The following GALNT14 variants were observed in gnomAD, a reference collection of about 807,000 sequenced individuals.
The protein encoded by GALNT14 is UDP-GalNAc:polypeptide N-acetylgalactosaminyltransferase 14.
A neutral mutation model predicts 77.5 loss-of-function variants in GALNT14; 60 were observed. That is an observed-to-expected ratio of 0.77 (90% CI 0.63 to 0.96). The LOEUF (loss-of-function observed/expected upper bound fraction) is 0.96, where lower values mean the gene tolerates loss of function less well. Among genes scored for constraint, GALNT14 ranks in the 40% least tolerant of loss-of-function variants. The pLI is 0.00. For synonymous variants in GALNT14, 280 were observed against 281.7 expected, an observed-to-expected ratio of 0.99 and a Z score of 0.06; for missense variants, 710 against 731.0, an observed-to-expected ratio of 0.97 and a Z score of 0.33.
rs1666599769 is a variant in GALNT14, at chr2:30,944,942, C to T, written c.743G>A (p.Gly248Glu). The T allele has an allele frequency of 1.2e-6, 2 of 1,605,508 alleles. No homozygotes were observed. Among genetic ancestry groups the T allele is most frequent in the African/African-American group, 2.7e-5 (2 of 74,646 alleles). Residue 248 changes from glycine (G) to glutamate (E), a missense_variant and splice_region_variant, in exon 8 of 15, where the codon GGG becomes GAG. Coordinates refer to ENST00000349752, the MANE Select transcript of GALNT14 (RefSeq NM_024572.4). The part of the protein sequence containing the change: ...YIESASELRG[G>E]FDWSLHFQWE... ...CTGGAAGTGGAGGCTCCAGTCAAACCCTACAACACAGCACCAACCCACCTG... is the reference window on the plus strand; with the variant it reads ...CTGGAAGTGGAGGCTCCAGTCAAACTCTACAACACAGCACCAACCCACCTG...
intron 1 of GALNT14, among the ~76,000 whole-genome samples, chr2:31,092,122 A>G (rs1349464629): frequency 6.6e-6 from 1 of 152,104 alleles, no homozygotes; most frequent in Non-Finnish European, 1.5e-5. Context: ...TTGGCCATAG[A>G]CTGAAGCTTG....
chr2:30,981,190 C>T (rs1390439887), intron 2 of GALNT14, among the ~76,000 whole-genome samples: 1 of 152,244 alleles, frequency 6.6e-6, no homozygotes, highest in Non-Finnish European at 1.5e-5. Flanking sequence ...CTATTTCTTC[C>T]TGGCAGTAGA....
At position 31,034,558 on chromosome 2, in the gene GALNT14, GT is replaced by G. The variant is rs146528824; in HGVS notation, c.130-41552del. Among the ~76,000 whole-genome samples the G allele has an allele frequency of 1.2e-3, 175 of 149,996 alleles. 3 individuals carry two copies. The highest frequency in any genetic ancestry group is 4.1e-3 in the African/African-American group (166 of 40,934). ...CTTTTGATCTTTTTCTAGTTGTTTT[GT>G]TTTTTTTTGATTATCTGTTTGATTT... On this transcript the variant is annotated intron_variant, in intron 1 of 14. Coordinates refer to ENST00000349752, the MANE Select transcript of GALNT14 (RefSeq NM_024572.4).
rs142294042 is a variant in GALNT14 at position 30,992,932 on chromosome 2, C to A, written c.205G>T (p.Val69Phe). 1.9e-6 allele frequency: 3 copies of A among 1,614,192 alleles called. No homozygotes were observed. The highest frequency in any genetic ancestry group is 1.1e-5 in the South Asian group (1 of 91,086). ...RRYLNAKKWR[V>F]GDDPYKLYAF... is the part of the protein sequence containing the mutation. ...TACAGCTTATAGGGGTCGTCACCAA[C>A]GCGCCACTTTTTGGCATTCAGATAC... The change falls in exon 2 of 15, where the codon GTT (valine) becomes TTT (phenylalanine). Residue 69 changes from valine (V) to phenylalanine (F), a missense_variant. Physicochemically the swap from Val to Phe is conservative, Grantham distance 50. Coordinates refer to ENST00000349752, the MANE Select transcript of GALNT14 (RefSeq NM_024572.4).
rs143700454 is a variant in GALNT14, at chr2:30,975,944, A to C, written c.300-9642T>G. On this transcript the variant is annotated intron_variant, in intron 2 of 14. Coordinates refer to ENST00000349752, the MANE Select transcript of GALNT14 (RefSeq NM_024572.4). ...ATAATTAACAACTCTTTAAATTGTA[A>C]AATTTAGCTTGAAATTGTAAAATTT... Among the ~76,000 whole-genome samples the C allele has an allele frequency of 6.3e-3, 961 of 152,314 alleles. 9 individuals are homozygous for C. The highest frequency in any genetic ancestry group is 0.021 in the African/African-American group (886 of 41,576).
intron 9 of GALNT14, among the ~76,000 whole-genome samples, chr2:30,937,333 G>T (rs1424453468): frequency 6.6e-6 from 1 of 152,190 alleles, no homozygotes; most frequent in Non-Finnish European, 1.5e-5. Flanking sequence ...TTCCACTGTT[G>T]CAATAACAAA....
chr2:30,982,954 A>G (rs1386338010), intron 2 of GALNT14, among the ~76,000 whole-genome samples: 1 of 152,178 alleles, frequency 6.6e-6, no homozygotes, highest in Non-Finnish European at 1.5e-5. Flanking sequence ...ACTCAACAGT[A>G]TTGTCTTCTC....
intron 3 of GALNT14, 132 bp from the exon 4 acceptor site, chr2:30,958,596 T>C (rs1667505623): frequency 1.5e-6 from 1 of 675,544 alleles, no homozygotes; most frequent in Non-Finnish European, 2.6e-6. Context: ...TGTCCAGTCA[T>C]ATTGCTTATC....
At chr2:31,085,159 C>T (rs890172305) in intron 1 of GALNT14, among the ~76,000 whole-genome samples, 5 of 152,196 alleles carry the variant, frequency 3.3e-5, no homozygotes, top group African/African-American at 1.2e-4. Flanking sequence ...CTATCTGACT[C>T]CCCCATTAGT....
chr2:30,948,348 C>G (rs1343973108), intron 6 of GALNT14, among the ~76,000 whole-genome samples: 1 of 152,198 alleles, frequency 6.6e-6, no homozygotes, highest in East Asian at 1.9e-4. Context: ...CTTGGAATGT[C>G]CTGCCTAGAA....
At chr2:31,022,601 G>T (rs1178369502) in intron 1 of GALNT14, among the ~76,000 whole-genome samples, 1 of 152,206 alleles carries the variant, frequency 6.6e-6, no homozygotes, top group Non-Finnish European at 1.5e-5. Flanking sequence ...CTAAGGGGGT[G>T]CTTCAGGGGG....
At chr2:30,991,594 C>T (rs959479515) in intron 2 of GALNT14, among the ~76,000 whole-genome samples, 5 of 152,074 alleles carry the variant, frequency 3.3e-5, no homozygotes, top group African/African-American at 1.2e-4. Context: ...ATGGGTCCCT[C>T]GAGGGGAGAG....
At chr2:30,889,588 C>T in the GALNT14 span, among the ~76,000 whole-genome samples, 1 of 152,232 alleles carries the variant, frequency 6.6e-6, no homozygotes, top group Non-Finnish European at 1.5e-5. Flanking sequence ...GCAGCTTCAT[C>T]CTTCATCTCT....
intron 1 of GALNT14, among the ~76,000 whole-genome samples, chr2:31,108,139 G>C (rs1474092111): frequency 6.6e-6 from 1 of 152,106 alleles, no homozygotes; most frequent in Non-Finnish European, 1.5e-5. Context: ...CCCCAGCCAG[G>C]CAGTGTAATT....
chr2:30,976,612 C>CGTGTGTGT (rs368747490), intron 2 of GALNT14, among the ~76,000 whole-genome samples: 44 of 148,402 alleles, frequency 3.0e-4, no homozygotes, highest in African/African-American at 1.1e-3. Flanking sequence ...TGTGCGTGTG[C>CGTGTGTGT]GTGTGTGTAT....
At chr2:31,132,845 C>T in intron 1 of GALNT14, 1 of 397,976 alleles carries the variant, frequency 2.5e-6, no homozygotes, top group South Asian at 1.9e-5. Flanking sequence ...CAGCTGGAGG[C>T]CACAAAATTC....
chr2:31,048,926 T>G (rs12712308), intron 1 of GALNT14, among the ~76,000 whole-genome samples: 2 of 151,998 alleles, frequency 1.3e-5, no homozygotes, highest in Non-Finnish European at 2.9e-5. Context: ...TTCCCACAGG[T>G]GCCCGTCACT....
At chr2:31,047,443 G>C (rs1270936051) in intron 1 of GALNT14, among the ~76,000 whole-genome samples, 2 of 152,122 alleles carry the variant, frequency 1.3e-5, no homozygotes, top group African/African-American at 2.4e-5. Context: ...AAAAGACAGG[G>C]CATCCCAGGG....
At chr2:31,041,556 G>A (rs1205111167) in intron 1 of GALNT14, among the ~76,000 whole-genome samples, 1 of 152,114 alleles carries the variant, frequency 6.6e-6, no homozygotes, top group Non-Finnish European at 1.5e-5. Context: ...GAGGATGTAC[G>A]AATGAGTAGT....
Sources: gnomAD v4.1 joint callset for allele counts (sites outside exome capture counted in the v4.1 genomes callset) on GRCh38, gnomAD v4.1.1 for gene constraint, MANE v1.5 for transcripts, NCBI Gene and HGNC (gene_info 2026-07-23, HGNC 2026-07-21) for gene names.